The following LRFN5 variants were observed in gnomAD, a reference collection of about 807,000 sequenced individuals.
The protein encoded by LRFN5 is leucine rich repeat and fibronectin type III domain containing 5.
LRFN5 carries 24 observed loss-of-function variants against 45.6 expected under a neutral mutation model. The observed-to-expected ratio is 0.53, with a 90% CI of 0.38 to 0.74. The LOEUF is 0.74. LRFN5 is among the 30% of genes least tolerant of loss of function. The probability of loss-of-function intolerance (pLI) is 0.00; values close to 1 mark genes in which losing one functional copy is unlikely to be tolerated. For synonymous variants in LRFN5, 340 were observed against 313.8 expected, an observed-to-expected ratio of 1.08 and a Z score of -0.88; for missense variants, 776 against 861.5, an observed-to-expected ratio of 0.90 and a Z score of 1.24.
At chr14:41,806,807 C>T (rs1237100467) in intron 2 of LRFN5, among the ~76,000 whole-genome samples, 1 of 152,164 alleles carries the variant, frequency 6.6e-6, no homozygotes, top group Non-Finnish European at 1.5e-5. Context: ...GCACACTGAT[C>T]TCACTGATGA....
At chr14:41,701,537 G>A (rs1882841263) in intron 1 of LRFN5, 2 of 152,192 alleles carry the variant, frequency 1.3e-5, no homozygotes, top group South Asian at 4.1e-4. Context: ...TCATCACAAA[G>A]CATTAATTGG....
chr14:41,867,823 C>T (rs1271278192), intron 2 of LRFN5, among the ~76,000 whole-genome samples: 2 of 151,938 alleles, frequency 1.3e-5, no homozygotes, highest in African/African-American at 2.4e-5. Flanking sequence ...CCCTCATATC[C>T]TCCCTCTTTG....
chr14:41,802,606 A>G (rs554941250), intron 2 of LRFN5, among the ~76,000 whole-genome samples: 1 of 152,292 alleles, frequency 6.6e-6, no homozygotes, highest in South Asian at 2.1e-4. Context: ...ATAATTTAAT[A>G]GGCTAGGATA....
chr14:41,756,116 A>G (rs1053255067), intron 1 of LRFN5, among the ~76,000 whole-genome samples: 1 of 152,138 alleles, frequency 6.6e-6, no homozygotes, highest in Admixed American at 6.6e-5. Context: ...TGGCTTGTAG[A>G]GTATCTGCCG....
intron 1 of LRFN5, among the ~76,000 whole-genome samples, chr14:41,708,881 C>G (rs543775139): frequency 6.6e-6 from 1 of 152,004 alleles, no homozygotes; most frequent in South Asian, 2.1e-4. Context: ...TACATTGTGT[C>G]TGGTTTATCT....
intron 2 of LRFN5, among the ~76,000 whole-genome samples, chr14:41,849,196 C>A (rs1343730540): frequency 6.6e-6 from 1 of 151,898 alleles, no homozygotes; most frequent in Non-Finnish European, 1.5e-5. Context: ...ATGTTATTAA[C>A]CCCTCTTGCA....
intron 2 of LRFN5, among the ~76,000 whole-genome samples, chr14:41,785,125 T>C (rs1886672831): frequency 6.6e-6 from 1 of 152,160 alleles, no homozygotes; most frequent in African/African-American, 2.4e-5. Flanking sequence ...TTCCATTCTT[T>C]TACTATTTTA....
At chr14:41,637,620 T>C (rs540432771) in intron 1 of LRFN5, among the ~76,000 whole-genome samples, 39 of 152,260 alleles carry the variant, frequency 2.6e-4, no homozygotes, top group Admixed American at 4.6e-4. Context: ...CCAGAACTCA[T>C]TGGGTGGATC....
At position 41,607,084 on chromosome 14, in the gene LRFN5, G is replaced by C. The variant is rs1887514815; in HGVS notation, c.-1675G>C. The stretch of plus-strand genomic sequence containing the variant: ...CAGCGGGCGGGGCGCTGTGTTCCGC[G>C]GCGCGCAGGGAGGCGGTGAGCGTGT... On this transcript the variant is annotated 5_prime_UTR_variant, in exon 1 of 6. Transcript: ENST00000298119. Among the ~76,000 whole-genome samples, 1 of 152,180 alleles carries C rather than the reference G, an allele frequency of 6.6e-6. No individual in the cohort carries two copies. Among genetic ancestry groups the C allele is most frequent in the African/African-American group, 2.4e-5 (1 of 41,448 alleles).
Position 41,851,365 on chromosome 14 carries a change from ATAT to A in LRFN5, c.-20-35237_-20-35235del, listed in dbSNP as rs200941219. On this transcript the variant is annotated intron_variant, in intron 2 of 5. Transcript: ENST00000298119. ...CATTTTGAATATTATTATTAGAGTA[ATAT>A]TATAATATACTGATTTCAAAGCTAA... Among the ~76,000 whole-genome samples, 278 of 149,676 alleles carry A rather than the reference ATAT, an allele frequency of 1.9e-3. 3 individuals are homozygous for A. The highest frequency in any genetic ancestry group is 0.016 in the Admixed American group (234 of 14,970).
chr14:41,653,321 A>T (rs1880218942), intron 1 of LRFN5, among the ~76,000 whole-genome samples: 1 of 152,134 alleles, frequency 6.6e-6, no homozygotes, highest in African/African-American at 2.4e-5. Context: ...TCTTTAGTCC[A>T]TCTTGAGTTA....
intron 2 of LRFN5, among the ~76,000 whole-genome samples, chr14:41,883,153 T>C (rs1490099336): frequency 7.2e-6 from 1 of 138,906 alleles, no homozygotes; most frequent in East Asian, 2.5e-4. Flanking sequence ...CCCCCCGCCA[T>C]TTCCCCCCTT....
chr14:41,806,776 T>C (rs950435599), intron 2 of LRFN5, among the ~76,000 whole-genome samples: 1 of 152,148 alleles, frequency 6.6e-6, no homozygotes, highest in Non-Finnish European at 1.5e-5. Context: ...CTGCTTACCG[T>C]ACACAGACAG....
chr14:41,673,453 C>G (rs1881355117), intron 1 of LRFN5, among the ~76,000 whole-genome samples: 1 of 143,090 alleles, frequency 7.0e-6, no homozygotes, highest in African/African-American at 2.6e-5. Context: ...GGGCTGACCC[C>G]CCCACCTCCC....
chr14:41,887,045 T>C lies in LRFN5; in HGVS notation c.420T>C (p.Ser140=). Residue 140 remains serine (S), a synonymous_variant, in exon 3 of 6, where the codon TCT becomes TCC. Transcript: ENST00000298119. The surrounding 1 kb of genome is among the most constrained non-coding windows in gnomAD (Gnocchi z 4.8). ...LNNNQLTLIS[S]TAFDDVFALE... ...ACAATCAGCTGACTTTAATTTCCTCTACAGCGTTTGATGATGTCTTCGCCC... is the reference window on the plus strand; with the variant it reads ...ACAATCAGCTGACTTTAATTTCCTCCACAGCGTTTGATGATGTCTTCGCCC... 1 of 1,614,186 alleles carries C rather than the reference T, an allele frequency of 6.2e-7. No individual in the cohort carries two copies.
At position 41,770,182 on chromosome 14, in the gene LRFN5, C is replaced by G. The variant is rs569411093; in HGVS notation, c.-21+3153C>G. ...CACCAAGGAGCCATTCATGAGGTAT[C>G]TATCCCCATGATCTAATACGTCTCA... On this transcript the variant is annotated intron_variant, in intron 2 of 5. Transcript: ENST00000298119. Among the ~76,000 whole-genome samples, 48 of 152,282 alleles carry G rather than the reference C, an allele frequency of 3.2e-4. 1 individual carries two copies. The highest frequency in any genetic ancestry group is 8.5e-4 in the Admixed American group (13 of 15,294).
At position 41,856,453 on chromosome 14, in the gene LRFN5, G is replaced by C. The variant is rs1164728668; in HGVS notation, c.-20-30153G>C. On this transcript the variant is annotated intron_variant, in intron 2 of 5. Transcript: ENST00000298119. ...AGAGAAAGACATTTAAATAGTGCAT[G>C]GCCGTTTCCGTCAAGGAGTTAAAGC... 1.3e-5 allele frequency among the ~76,000 whole-genome samples: 2 copies of C among 151,904 alleles called. 1 individual carries two copies. Among genetic ancestry groups the C allele is most frequent in the South Asian group, 4.1e-4 (2 of 4,830 alleles).
chr14:41,895,783 T>C (rs1049640756), intron 4 of LRFN5, among the ~76,000 whole-genome samples: 4 of 152,032 alleles, frequency 2.6e-5, no homozygotes, highest in African/African-American at 9.7e-5. Context: ...ACAGTGGGTT[T>C]TTACCTGCTT....
At chr14:41,699,343 C>T (rs1412556721) in intron 1 of LRFN5, 1 of 152,064 alleles carries the variant, frequency 6.6e-6, no homozygotes, top group Non-Finnish European at 1.5e-5. Flanking sequence ...GGTCTTGCTG[C>T]TCATGCATCT....
Sources: gnomAD v4.1 joint callset for allele counts (sites outside exome capture counted in the v4.1 genomes callset) on GRCh38, gnomAD v4.1.1 for gene constraint, Gnocchi (gnomAD v3.1) non-coding constraint, MANE v1.5 for transcripts, NCBI Gene and HGNC (gene_info 2026-07-23, HGNC 2026-07-21) for gene names.